The following THSD7B variants were observed in gnomAD, a reference collection of about 807,000 sequenced individuals.
THSD7B encodes thrombospondin type 1 domain containing 7B, also known as thrombospondin type-1 domain-containing protein 7B.
In THSD7B, 138 loss-of-function variants were observed where a neutral mutation model predicts 213.6. The observed-to-expected ratio is 0.65, with a 90% CI of 0.56 to 0.74. The LOEUF (loss-of-function observed/expected upper bound fraction) is 0.74, where lower values mean the gene tolerates loss of function less well. Among genes scored for constraint, THSD7B ranks in the 30% least tolerant of loss-of-function variants. The pLI, the probability that THSD7B is intolerant of heterozygous loss-of-function variation, is 0.00. For missense variants in THSD7B, 1,931 were observed against 1,991.5 expected, an observed-to-expected ratio of 0.97 and a Z score of 0.58; for synonymous variants, 742 against 687.0, an observed-to-expected ratio of 1.08 and a Z score of -1.25.
chr2:137,075,626 T>A (rs1321093804), intron 3 of THSD7B, among the ~76,000 whole-genome samples: 1 of 152,228 alleles, frequency 6.6e-6, no homozygotes, highest in Non-Finnish European at 1.5e-5. Flanking sequence ...CTGTTGGTGG[T>A]GAGGAGCTGC....
At chr2:136,928,344 T>G (rs1242441362) in intron 2 of THSD7B, among the ~76,000 whole-genome samples, 1 of 152,210 alleles carries the variant, frequency 6.6e-6, no homozygotes, top group Non-Finnish European at 1.5e-5. Flanking sequence ...TAAGCACATA[T>G]GGCTTTTGCA....
At chr2:137,350,110 A>T (rs1021191272) in intron 12 of THSD7B, among the ~76,000 whole-genome samples, 5 of 151,848 alleles carry the variant, frequency 3.3e-5, no homozygotes, top group African/African-American at 1.2e-4. Flanking sequence ...GATGGAATAC[A>T]GCAGAAGATA....
At chr2:137,265,859 G>A (rs1239103621) in intron 10 of THSD7B, among the ~76,000 whole-genome samples, 3 of 152,178 alleles carry the variant, frequency 2.0e-5, no homozygotes, top group Non-Finnish European at 1.5e-5. Context: ...TAAGATAATA[G>A]GTATTGGCTA....
chr2:136,792,020 A>T (rs1262905563), intron 1 of THSD7B, among the ~76,000 whole-genome samples: 1 of 151,650 alleles, frequency 6.6e-6, no homozygotes, highest in Non-Finnish European at 1.5e-5. Context: ...CAATTTCTCC[A>T]CCTCCTTGCT....
intron 1 of THSD7B, among the ~76,000 whole-genome samples, chr2:136,841,304 A>G (rs1427381400): frequency 6.6e-6 from 1 of 152,088 alleles, no homozygotes. Flanking sequence ...TTGTTATGGA[A>G]ATGAAAAAAG....
In THSD7B at chr2:137,266,540, G is replaced by A. The variant is rs569100021; in HGVS notation, c.2267-5993G>A. 2.6e-5 allele frequency among the ~76,000 whole-genome samples: 4 copies of A among 152,218 alleles called. No homozygotes were observed. In the South Asian group the frequency reaches 6.2e-4, roughly 24 times the overall value. ...GGGTGAGAACCAGGAGTTAAAAGGTGGTAAGCCTGGAACAATACTGGGGCT... is the reference window on the plus strand; with the variant it reads ...GGGTGAGAACCAGGAGTTAAAAGGTAGTAAGCCTGGAACAATACTGGGGCT... On this transcript the variant is annotated intron_variant, in intron 10 of 27. Coordinates refer to ENST00000409968, the MANE Select transcript of THSD7B (RefSeq NM_001316349.2).
intron 2 of THSD7B, among the ~76,000 whole-genome samples, chr2:136,923,188 CAT>C (rs1473813014): frequency 6.6e-6 from 1 of 152,312 alleles, no homozygotes; most frequent in East Asian, 1.9e-4. Flanking sequence ...TTAGCTACTT[CAT>C]ATGAGTGGAA....
At chr2:137,001,611 A>G (rs1329447292) in intron 2 of THSD7B, among the ~76,000 whole-genome samples, 5 of 152,172 alleles carry the variant, frequency 3.3e-5, no homozygotes, top group Non-Finnish European at 7.4e-5. Context: ...TGCTTCAAGT[A>G]TGGCAACTAA....
At chr2:136,930,142 A>G (rs184013058) in intron 2 of THSD7B, among the ~76,000 whole-genome samples, 24 of 152,346 alleles carry the variant, frequency 1.6e-4, no homozygotes, top group Non-Finnish European at 1.5e-5. Flanking sequence ...GAAATGGCAG[A>G]ACAAATAGGA....
rs1158510614 is a variant in THSD7B at position 137,399,031 on chromosome 2, G to A, written c.2501-6582G>A. 3.9e-5 allele frequency among the ~76,000 whole-genome samples: 6 copies of A among 152,072 alleles called. No individual in the cohort carries two copies. In the South Asian group the frequency reaches 6.3e-4, roughly 16 times the overall value. ...CCTCGCCCTGCTTCGGCTCGCGCAC[G>A]GTGCGCGCACCCACTGACCTGCGCC... is the stretch of plus-strand genomic sequence containing the variant. On this transcript the variant is annotated intron_variant, in intron 12 of 27. Transcript: ENST00000409968.
intron 12 of THSD7B, among the ~76,000 whole-genome samples, chr2:137,343,064 C>T (rs1684797639): frequency 6.6e-6 from 1 of 150,676 alleles, no homozygotes; most frequent in Non-Finnish European, 1.5e-5. Flanking sequence ...TCGAAGTATT[C>T]CCTTCTGTTT....
At chr2:136,821,589 T>C (rs1682564604) in intron 1 of THSD7B, among the ~76,000 whole-genome samples, 3 of 152,224 alleles carry the variant, frequency 2.0e-5, no homozygotes, top group Admixed American at 2.0e-4. Context: ...GCACAGCAGC[T>C]GGACTTGGTG....
Position 137,371,744 on chromosome 2 carries a change from T to G in THSD7B, c.2501-33869T>G, listed in dbSNP as rs555646359. 4.2e-4 allele frequency among the ~76,000 whole-genome samples: 64 copies of G among 152,268 alleles called. 1 individual carries two copies. The highest frequency in any genetic ancestry group is 7.2e-4 in the Non-Finnish European group (49 of 68,018). On this transcript the variant is annotated intron_variant, in intron 12 of 27. Coordinates refer to ENST00000409968, the MANE Select transcript of THSD7B (RefSeq NM_001316349.2). ...CTGAAAGATTTCTTTGACTTAATCT[T>G]ACATTCTATTGAATTGTTTTTTTAA...
At chr2:137,400,002 G>A (rs1422611947) in intron 12 of THSD7B, among the ~76,000 whole-genome samples, 2 of 151,934 alleles carry the variant, frequency 1.3e-5, no homozygotes, top group Non-Finnish European at 2.9e-5. Context: ...AATGTATTTT[G>A]AAATTTCTTC....
chr2:137,578,923 G>A (rs1037585207), intron 17 of THSD7B, among the ~76,000 whole-genome samples: 1 of 152,138 alleles, frequency 6.6e-6, no homozygotes, highest in East Asian at 1.9e-4. Context: ...TACAACAACA[G>A]CAAGTCATTT....
At chr2:136,866,161 G>C (rs1249598602) in intron 1 of THSD7B, among the ~76,000 whole-genome samples, 2 of 152,188 alleles carry the variant, frequency 1.3e-5, no homozygotes, top group African/African-American at 4.8e-5. Context: ...GCACTTGTGA[G>C]AGTGCCTATT....
intron 27 of THSD7B, among the ~76,000 whole-genome samples, chr2:137,674,144 C>G (rs145973918): frequency 1.3e-5 from 2 of 152,198 alleles, no homozygotes; most frequent in African/African-American, 4.8e-5. Context: ...CACCTCTAGC[C>G]GTTCTCCTGG....
chr2:137,605,708 C>T (rs545928417), intron 17 of THSD7B, among the ~76,000 whole-genome samples: 4 of 120,690 alleles, frequency 3.3e-5, no homozygotes, highest in Non-Finnish European at 4.8e-5. Flanking sequence ...CCTGCTCCGT[C>T]GCCAGGCTGG....
intron 12 of THSD7B, among the ~76,000 whole-genome samples, chr2:137,388,447 C>G (rs1238472344): frequency 1.3e-5 from 2 of 151,852 alleles, no homozygotes; most frequent in Non-Finnish European, 2.9e-5. Flanking sequence ...TTGTTTTATA[C>G]AGAGAGAATG....
Sources: allele counts gnomAD v4.1 joint callset (sites outside exome capture counted in the v4.1 genomes callset), GRCh38; gene constraint gnomAD v4.1.1; transcripts MANE v1.5; gene names NCBI Gene and HGNC (gene_info 2026-07-23, HGNC 2026-07-21).